The following THSD4 variants were observed in gnomAD, a reference collection of about 807,000 sequenced individuals.
The protein encoded by THSD4 is thrombospondin type-1 domain-containing protein 4.
A neutral mutation model predicts 119.0 loss-of-function variants in THSD4; 69 were observed. The observed-to-expected ratio is 0.58, with a 90% CI of 0.48 to 0.71. The LOEUF is 0.71. THSD4 is among the 30% of genes least tolerant of loss of function. The pLI, the probability that THSD4 is intolerant of heterozygous loss-of-function variation, is 0.00. For missense variants in THSD4, 1,393 were observed against 1,391.1 expected (o/e 1.00, Z -0.02); for synonymous variants, 524 against 540.4 (o/e 0.97, Z 0.42).
chr15:71,341,500 C>T lies in THSD4; in HGVS notation c.1016-70187C>T, dbSNP rs147293465. 4.8e-4 allele frequency: 778 copies of T among 1,612,716 alleles called. 1 individual carries two copies. The Middle Eastern group carries it at 7.1e-3, about 15-fold the overall frequency. The stretch of plus-strand genomic sequence containing the variant: ...GTGTCCAGCCCCACTGCTTGGCCTG[C>T]GCACACCTGCCAACTCCACCGTTGT... On this transcript the variant is annotated intron_variant, in intron 6 of 17. Transcript: ENST00000261862.
intron 7 of THSD4, among the ~76,000 whole-genome samples, chr15:71,570,312 T>G (rs890108450): frequency 2.6e-5 from 4 of 152,190 alleles, no homozygotes; most frequent in African/African-American, 7.2e-5. Context: ...TGAGAGATAT[T>G]GGTCAGGAAA....
chr15:71,621,390 G>A (rs1387919769), intron 7 of THSD4, among the ~76,000 whole-genome samples: 1 of 152,112 alleles, frequency 6.6e-6, no homozygotes, highest in African/African-American at 2.4e-5. Context: ...ATTGATTTGG[G>A]TGTTCCTAAA....
At chr15:71,508,451 T>G (rs2048226640) in intron 7 of THSD4, among the ~76,000 whole-genome samples, 1 of 152,172 alleles carries the variant, frequency 6.6e-6, no homozygotes, top group African/African-American at 2.4e-5. Context: ...CCCTACCCAG[T>G]TTTGCCCTGC....
intron 8 of THSD4, among the ~76,000 whole-genome samples, chr15:71,676,419 C>T (rs1008502865): frequency 6.6e-6 from 1 of 152,048 alleles, no homozygotes; most frequent in Non-Finnish European, 1.5e-5. Flanking sequence ...GTAGATGGGA[C>T]TACAGGCATG....
At chr15:71,611,404 C>G (rs1277747127) in intron 7 of THSD4, among the ~76,000 whole-genome samples, 1 of 152,184 alleles carries the variant, frequency 6.6e-6, no homozygotes, top group Non-Finnish European at 1.5e-5. Context: ...TTTGCTGCTG[C>G]CTACTTCCTG....
intron 4 of THSD4, among the ~76,000 whole-genome samples, chr15:71,226,180 A>C (rs2044016872): frequency 6.6e-6 from 1 of 152,196 alleles, no homozygotes; most frequent in Non-Finnish European, 1.5e-5. Flanking sequence ...CCTACCACAC[A>C]AGCCTGTTGT....
At chr15:71,499,666 C>T (rs2048082279) in intron 7 of THSD4, among the ~76,000 whole-genome samples, 1 of 152,176 alleles carries the variant, frequency 6.6e-6, no homozygotes, top group Non-Finnish European at 1.5e-5. Flanking sequence ...TTTCTTCCTT[C>T]TCTCAGCCCC....
chr15:71,617,934 C>T (rs996528346), intron 7 of THSD4, among the ~76,000 whole-genome samples: 2 of 152,108 alleles, frequency 1.3e-5, no homozygotes, highest in Non-Finnish European at 2.9e-5. Flanking sequence ...TCTTTTTTCT[C>T]AAAGGGGCCA....
At chr15:71,765,841 T>C (rs2053708745) in intron 16 of THSD4, among the ~76,000 whole-genome samples, 1 of 151,858 alleles carries the variant, frequency 6.6e-6, no homozygotes, top group South Asian at 2.1e-4. Context: ...AAAAATCCTA[T>C]AGACATTCTG....
At chr15:71,522,965 C>G (rs534937084) in intron 7 of THSD4, among the ~76,000 whole-genome samples, 1 of 152,244 alleles carries the variant, frequency 6.6e-6, no homozygotes, top group South Asian at 2.1e-4. Flanking sequence ...CTCCCTTGCA[C>G]AACATCAACA....
rs563645555 is a variant in THSD4, at chr15:71,727,573, TATATATATATATATAC to T, written c.1358-974_1358-959del. ...AAAAAAATATATATATATATATATA[TATATATATATATATAC>T]ACACACACACACACACACACACACA... On this transcript the variant is annotated intron_variant, in intron 8 of 17. Transcript: ENST00000261862. 5.9e-4 allele frequency among the ~76,000 whole-genome samples: 40 copies of T among 67,848 alleles called. No homozygotes were observed. In the South Asian group the frequency reaches 7.8e-3, roughly 13 times the overall value. 44.5% of individuals were successfully genotyped at this position (67,848 alleles called of 152,430 possible). A position where few individuals can be genotyped will look rare whatever the true frequency, so the allele number is the denominator to read the frequency against.
chr15:71,638,246 T>C (rs2140958066), intron 7 of THSD4, among the ~76,000 whole-genome samples: 1 of 152,342 alleles, frequency 6.6e-6, no homozygotes, highest in East Asian at 1.9e-4. Context: ...TGATAGCACA[T>C]AGTGTAGACA....
intron 8 of THSD4, among the ~76,000 whole-genome samples, chr15:71,663,498 T>A (rs1184484148): frequency 6.6e-6 from 1 of 152,236 alleles, no homozygotes; most frequent in African/African-American, 2.4e-5. Context: ...GCTTTGTGTA[T>A]TCTCTTTTTA....
rs74735158 is a variant in THSD4 at position 71,549,380 on chromosome 15, G to C, written c.1153-111150G>C. 4.8e-3 allele frequency among the ~76,000 whole-genome samples: 727 copies of C among 152,058 alleles called. 6 individuals are homozygous for C. Among genetic ancestry groups the C allele is most frequent in the African/African-American group, 0.017 (704 of 41,444 alleles). Reference sequence around the variant, plus strand: ...TGTGTGTGCATGCGTGTGTGAGTGCGTGTGTGTTTCTGTGCTGTTGGCTCC... The same window carrying C: ...TGTGTGTGCATGCGTGTGTGAGTGCCTGTGTGTTTCTGTGCTGTTGGCTCC... On this transcript the variant is annotated intron_variant, in intron 7 of 17. Coordinates refer to ENST00000261862, the MANE Select transcript of THSD4 (RefSeq NM_024817.3).
At chr15:71,446,449 A>T (rs1488014410) in intron 7 of THSD4, among the ~76,000 whole-genome samples, 1 of 152,190 alleles carries the variant, frequency 6.6e-6, no homozygotes, top group African/African-American at 2.4e-5. Context: ...TTGTTTTATC[A>T]CACTACTATC....
At chr15:71,419,906 C>A (rs1204747662) in intron 7 of THSD4, among the ~76,000 whole-genome samples, 1 of 108,298 alleles carries the variant, frequency 9.2e-6, no homozygotes. Flanking sequence ...TATGGTCTAT[C>A]CTTAAGAATG....
At chr15:71,254,355 T>C (rs1366178951) in intron 5 of THSD4, among the ~76,000 whole-genome samples, 2 of 152,166 alleles carry the variant, frequency 1.3e-5, no homozygotes, top group Non-Finnish European at 2.9e-5. Context: ...TGAAAGGGGT[T>C]GGATTTGATT....
chr15:71,723,785 G>A (rs2052767396), intron 8 of THSD4, among the ~76,000 whole-genome samples: 1 of 152,064 alleles, frequency 6.6e-6, no homozygotes, highest in African/African-American at 2.4e-5. Flanking sequence ...AGAATGAATA[G>A]GGCCAGGCAC....
chr15:71,765,134 C>A lies in THSD4; in HGVS notation c.2704C>A (p.Pro902Thr), dbSNP rs367582867. The A allele has an allele frequency of 2.2e-5, 36 of 1,614,100 alleles. No homozygotes were observed. The highest frequency in any genetic ancestry group is 2.7e-5 in the Non-Finnish European group (32 of 1,180,046). The change falls in exon 16 of 18, where the codon CCC becomes ACC. Residue 902 changes from proline to threonine, a missense_variant. Physicochemically the swap from Pro to Thr is conservative, Grantham distance 38. Transcript: ENST00000261862. Reference sequence around the variant, plus strand: ...TGAATGTTCTTTCCTGGAGAAACCCCCCAGCCAGCAATCCTGCCACCTCAA... The same window carrying A: ...TGAATGTTCTTTCCTGGAGAAACCCACCAGCCAGCAATCCTGCCACCTCAA... ...PSECSFLEKP[P>T]SQQSCHLKPC...
Sources: allele counts gnomAD v4.1 joint callset (sites outside exome capture counted in the v4.1 genomes callset), GRCh38; gene constraint gnomAD v4.1.1; transcripts MANE v1.5; gene names NCBI Gene and HGNC (gene_info 2026-07-23, HGNC 2026-07-21).